ZFAT: variants seen among roughly 807,000 people sequenced by gnomAD.
ZFAT encodes the protein zinc finger and AT-hook domain containing.
In ZFAT, 64 loss-of-function variants were observed where a neutral mutation model predicts 117.7. That is an observed-to-expected ratio of 0.54 (90% CI 0.44 to 0.67). The LOEUF is 0.67. ZFAT is among the 30% of genes least tolerant of loss of function. ZFAT has a pLI of 0.00. For missense variants in ZFAT, 1,433 were observed against 1,584.5 expected, an observed-to-expected ratio of 0.90 and a Z score of 1.62; for synonymous variants, 679 against 615.0, an observed-to-expected ratio of 1.10 and a Z score of -1.54.
chr8:134,669,245 C>G (rs979712899), intron 1 of ZFAT, among the ~76,000 whole-genome samples: 1 of 152,144 alleles, frequency 6.6e-6, no homozygotes, highest in Non-Finnish European at 1.5e-5. Flanking sequence ...TCAGGAAATA[C>G]AGAGAATGCC....
upstream of ZFAT, among the ~76,000 whole-genome samples, chr8:134,717,466 C>CTTTTTTTTTTTTTTTT: frequency 0.012 from 232 of 19,354 alleles, 96 homozygotes; most frequent in South Asian, 0.034. Context: ...AATAACAACT[C>CTTTTTTTTTTTTTTTT]TTTTTTTTTT....
chr8:134,756,694 G>A, the ZFAT span, among the ~76,000 whole-genome samples: 1 of 152,186 alleles, frequency 6.6e-6, no homozygotes, highest in Non-Finnish European at 1.5e-5. Context: ...TCCTCCTAAG[G>A]GGCAGCTCAC....
chr8:134,567,485 ATCC>A (rs1824555355), intron 10 of ZFAT, among the ~76,000 whole-genome samples: 1 of 151,778 alleles, frequency 6.6e-6, no homozygotes, highest in South Asian at 2.1e-4. Flanking sequence ...CCATCCATCC[ATCC>A]ATCCATCCAT....
chr8:134,772,770 G>A, the ZFAT span, among the ~76,000 whole-genome samples: 6 of 152,126 alleles, frequency 3.9e-5, no homozygotes, highest in Non-Finnish European at 8.8e-5. Flanking sequence ...TGGCTTCAAA[G>A]CTTCAAAGGG....
chr8:134,716,903 T>C (rs1275924045), upstream of ZFAT, among the ~76,000 whole-genome samples: 1 of 152,232 alleles, frequency 6.6e-6, no homozygotes, highest in Non-Finnish European at 1.5e-5. Flanking sequence ...TGTCTGTTTA[T>C]GAAATGGTAT....
chr8:134,595,575 A>G (rs1228445134), intron 7 of ZFAT, among the ~76,000 whole-genome samples: 1 of 152,198 alleles, frequency 6.6e-6, no homozygotes, highest in African/African-American at 2.4e-5. Context: ...CATCCTACTA[A>G]AATCGTCTCA....
chr8:134,600,259 C>A, intron 7 of ZFAT, 177 bp downstream of exon 7: 1 of 683,136 alleles, frequency 1.5e-6, no homozygotes, highest in South Asian at 1.8e-5. Flanking sequence ...GTATTAGAGA[C>A]TCTTGCTGTG....
intron 1 of ZFAT, among the ~76,000 whole-genome samples, chr8:134,700,472 G>A (rs1014412409): frequency 1.2e-4 from 18 of 152,212 alleles, no homozygotes; most frequent in Non-Finnish European, 4.4e-5. Flanking sequence ...GGATGGCTCA[G>A]CCAGAGTGCT....
At position 134,601,632 on chromosome 8, in the gene ZFAT, G is replaced by A. The variant is rs1827472054; in HGVS notation, c.2087C>T (p.Thr696Ile). The change falls in exon 6 of 16, where the codon ACA becomes ATA. Residue 696 changes from threonine (T) to isoleucine (I), a missense_variant. Physicochemically the swap from Thr to Ile is moderately conservative, Grantham distance 89 (BLOSUM62 -1). Around this residue, in one of 5 missense-constraint regions of ZFAT, gnomAD observed 372 missense variants for 355.6 expected, o/e 1.05. Coordinates refer to ENST00000377838, the MANE Select transcript of ZFAT (RefSeq NM_020863.4). ...AGCTTTGCAAGAGTCAGGCTGATGT[G>A]TGATGGTGTCCCCACCACCAGCTAC... ...PPVAGGGDTI[T>I]HQPDSCKAAP... 20 of 1,614,250 alleles carry A rather than the reference G, an allele frequency of 1.2e-5. No individual in the cohort carries two copies. Among genetic ancestry groups the A allele is most frequent in the Non-Finnish European group, 1.4e-5 (17 of 1,180,048 alleles).
chr8:134,683,957 C>T (rs990738277), intron 1 of ZFAT, among the ~76,000 whole-genome samples: 1 of 152,168 alleles, frequency 6.6e-6, no homozygotes, highest in Non-Finnish European at 1.5e-5. Flanking sequence ...ACCTCTGCAG[C>T]CCCTGCAGAC....
chr8:134,727,552 C>T, the ZFAT span, among the ~76,000 whole-genome samples: 1 of 152,310 alleles, frequency 6.6e-6, no homozygotes, highest in East Asian at 1.9e-4. Flanking sequence ...TTAAAACATA[C>T]TGCAAATTAT....
intron 2 of ZFAT, among the ~76,000 whole-genome samples, chr8:134,641,791 C>T (rs1420133651): frequency 6.6e-6 from 1 of 152,206 alleles, no homozygotes; most frequent in African/African-American, 2.4e-5. Flanking sequence ...GAAGAAAGGG[C>T]TGAGCCACAG....
intron 1 of ZFAT, among the ~76,000 whole-genome samples, chr8:134,661,893 T>A (rs765733045): frequency 6.6e-6 from 1 of 151,964 alleles, no homozygotes; most frequent in Non-Finnish European, 1.5e-5. Context: ...TCAGCTACAG[T>A]AGGGCAGAGA....
intron 12 of ZFAT, among the ~76,000 whole-genome samples, chr8:134,531,450 T>C (rs1821396414): frequency 6.6e-6 from 1 of 152,188 alleles, no homozygotes; most frequent in Non-Finnish European, 1.5e-5. Flanking sequence ...AATTCCTAGA[T>C]GTTCCGAAAA....
the ZFAT span, chr8:134,804,855 G>C: frequency 1.9e-6 from 1 of 534,042 alleles, no homozygotes; most frequent in African/African-American, 1.9e-5. Flanking sequence ...ATTATATCAA[G>C]AGGATGTCTG....
At chr8:134,652,969 T>C (rs909411738) in intron 2 of ZFAT, among the ~76,000 whole-genome samples, 4 of 152,134 alleles carry the variant, frequency 2.6e-5, no homozygotes, top group Admixed American at 2.0e-4. Context: ...CAACATTTAT[T>C]GTAACATTAT....
chr8:134,643,650 G>A (rs763898190), intron 2 of ZFAT, among the ~76,000 whole-genome samples: 3 of 152,166 alleles, frequency 2.0e-5, no homozygotes, highest in Non-Finnish European at 2.9e-5. Context: ...TGTGTGAGGC[G>A]GTGATTGAAG....
the ZFAT span, among the ~76,000 whole-genome samples, chr8:134,773,901 A>T: frequency 1.3e-5 from 2 of 151,548 alleles, no homozygotes; most frequent in Admixed American, 6.6e-5. Context: ...GGAACATGGT[A>T]TGAACATTGT....
chr8:134,534,707 G>A (rs554479602), intron 11 of ZFAT, among the ~76,000 whole-genome samples: 167 of 144,452 alleles, frequency 1.2e-3, no homozygotes, highest in Non-Finnish European at 2.0e-3. Context: ...GGAAAGAGAC[G>A]GGGAGAGGGA....
Sources: allele counts gnomAD v4.1 joint callset (sites outside exome capture counted in the v4.1 genomes callset), GRCh38; gene constraint gnomAD v4.1.1; regional missense constraint gnomAD v4.1.1; transcripts MANE v1.5; gene names NCBI Gene and HGNC (gene_info 2026-07-23, HGNC 2026-07-21).